The following C11orf24 variants were observed in gnomAD, a reference collection of about 807,000 sequenced individuals.
C11orf24 encodes chromosome 11 open reading frame 24.
Under a neutral mutation model 7.3 loss-of-function variants are expected in C11orf24, and 5 were observed. That is an observed-to-expected ratio of 0.69 (90% CI 0.36 to 1.45). The LOEUF (loss-of-function observed/expected upper bound fraction) is 1.45, where lower values mean the gene tolerates loss of function less well. Among genes scored for constraint, C11orf24 ranks in the 40% most tolerant of loss-of-function variants. The pLI is 0.03. For synonymous variants in C11orf24, 233 were observed against 235.7 expected (o/e 0.99, Z 0.11); for missense variants, 566 against 590.5 (o/e 0.96, Z 0.43).
chr11:68,266,702 A>G (rs1288831589), intron 2 of C11orf24, among the ~76,000 whole-genome samples: 1 of 152,080 alleles, frequency 6.6e-6, no homozygotes, highest in Non-Finnish European at 1.5e-5. Context: ...AGAACTCACA[A>G]TCCTCCACGG....
rs1212789521 is a variant in C11orf24, at chr11:68,261,701, C to T, written c.1294G>A (p.Asp432Asn). 6.2e-7 allele frequency: 1 copy of T among 1,614,008 alleles called. No individual in the cohort carries two copies. The highest frequency in any genetic ancestry group is 8.5e-7 in the Non-Finnish European group (1 of 1,179,992). Residue 432 changes from aspartate (D) to asparagine (N), a missense_variant, in exon 4 of 4, where the codon GAC becomes AAC. Asp to Asn is a conservative substitution (Grantham distance 23). Transcript: ENST00000304271. The stretch of plus-strand genomic sequence containing the variant: ...ATTAAGTAGTCCACCTGGGTGTAGT[C>T]CTTCTTCTTGTAGCTCTCATAGGCC... ...LQAYESYKKK[D>N]YTQVDYLING...
At chr11:68,269,106 T>A (rs1052824505) in intron 1 of C11orf24, among the ~76,000 whole-genome samples, 11 of 104,690 alleles carry the variant, frequency 1.1e-4, no homozygotes, top group African/African-American at 5.0e-4. Context: ...TTCATATCTT[T>A]CCTTCTTTTT....
rs2098561606 is a variant in C11orf24, at chr11:68,261,571, C to CA, written c.*73dup. ...CAATTGCACCAAAAGAATTTGGAAG[C>CA]ACTTGGTTTGGTCTCAAAGGCAAAA... is the stretch of plus-strand genomic sequence containing the variant. On this transcript the variant is annotated 3_prime_UTR_variant, in exon 4 of 4. Coordinates refer to ENST00000304271, the MANE Select transcript of C11orf24 (RefSeq NM_022338.4). The CA allele has an allele frequency of 7.4e-7, 1 of 1,349,760 alleles. No homozygotes were observed. Among genetic ancestry groups the CA allele is most frequent in the Admixed American group, 2.2e-5 (1 of 44,578 alleles). The allele number at this position is 1,349,760 out of a possible 1,614,324, so 83.6% of individuals were successfully genotyped here.
At position 68,262,190 on chromosome 11, in the gene C11orf24, T is replaced by C. The variant is rs780241906; in HGVS notation, c.805A>G (p.Thr269Ala). ...QVSVDQPVVN[T>A]TNKSTPMPSN... ...GGCATGGGTGTGGATTTATTTGTTGTGTTAACCACAGGCTGGTCCACTGAC... is the reference window on the plus strand; with the variant it reads ...GGCATGGGTGTGGATTTATTTGTTGCGTTAACCACAGGCTGGTCCACTGAC... Residue 269 changes from threonine (T) to alanine (A), a missense_variant, in exon 4 of 4, where the codon ACA becomes GCA. Coordinates refer to ENST00000304271, the MANE Select transcript of C11orf24 (RefSeq NM_022338.4). 2.5e-6 allele frequency: 4 copies of C among 1,613,576 alleles called. No homozygotes were observed. Among genetic ancestry groups the C allele is most frequent in the Admixed American group, 3.3e-5 (2 of 59,992 alleles).
intron 2 of C11orf24, among the ~76,000 whole-genome samples, chr11:68,265,060 C>T (rs1299475774): frequency 1.3e-5 from 2 of 151,282 alleles, no homozygotes; most frequent in African/African-American, 2.4e-5. Context: ...CCAAGGAAGG[C>T]TTCCTGGGAA....
At chr11:68,269,167 C>T (rs1001347651) in intron 1 of C11orf24, among the ~76,000 whole-genome samples, 3 of 151,376 alleles carry the variant, frequency 2.0e-5, no homozygotes, top group African/African-American at 4.9e-5. Context: ...TGAAAGGCTC[C>T]AAGGAAAGAA....
Position 68,262,334 on chromosome 11 carries a change from C to T in C11orf24, c.661G>A (p.Ala221Thr). 1 of 1,614,032 alleles carries T rather than the reference C, an allele frequency of 6.2e-7. No homozygotes were observed. Among genetic ancestry groups the T allele is most frequent in the South Asian group, 1.1e-5 (1 of 91,088 alleles). ...ATRAQTVATT[A>T]NTSSPMSTRP... ...GTGCTCATGGGGCTGCTTGTGTTTG[C>T]TGTGGTCGCTACAGTCTGAGCACGT... The change falls in exon 4 of 4, where the codon GCA becomes ACA. Residue 221 changes from alanine to threonine, a missense_variant. Physicochemically the swap from Ala to Thr is moderately conservative, Grantham distance 58. Transcript: ENST00000304271.
intron 2 of C11orf24, among the ~76,000 whole-genome samples, chr11:68,266,231 AC>A (rs562590058): frequency 4.9e-4 from 75 of 152,326 alleles, no homozygotes; most frequent in Non-Finnish European, 8.8e-4. Flanking sequence ...ATGGGATCAC[AC>A]GGGCAAGGAC....
rs377489348 is a variant in C11orf24, at chr11:68,262,682, T to G, written c.313A>C (p.Ile105Leu). 13 of 1,614,164 alleles carry G rather than the reference T, an allele frequency of 8.1e-6. No homozygotes were observed. Among genetic ancestry groups the G allele is most frequent in the Non-Finnish European group, 1.0e-5 (12 of 1,180,030 alleles). ...SGGAADGVTS[I>L]APTAVASSTT... ...CTGGAGGCCACAGCCGTGGGAGCAA[T>G]GGAGGTCACACCATCAGCTGCACCT... The change falls in exon 4 of 4, where the codon ATT becomes CTT. Residue 105 changes from isoleucine (I) to leucine (L), a missense_variant. Ile to Leu is a conservative substitution (Grantham distance 5, BLOSUM62 2). Transcript: ENST00000304271.
chr11:68,261,635 C>T lies in C11orf24; in HGVS notation c.*10G>A, dbSNP rs138429377. On this transcript the variant is annotated 3_prime_UTR_variant, in exon 4 of 4. Coordinates refer to ENST00000304271, the MANE Select transcript of C11orf24 (RefSeq NM_022338.4). Reference sequence around the variant, plus strand: ...AAGGGGCCAGGCCTCCCGCCAGGCCCCCGCCCCCCTCACATTTCTGAGTCC... The same window carrying T: ...AAGGGGCCAGGCCTCCCGCCAGGCCTCCGCCCCCCTCACATTTCTGAGTCC... 289 of 1,594,640 alleles carry T rather than the reference C, an allele frequency of 1.8e-4. 1 individual carries two copies. The African/African-American group carries it at 3.5e-3, about 20-fold the overall frequency.
At position 68,263,840 on chromosome 11, in the gene C11orf24, T is replaced by C. The variant is rs2098563217; in HGVS notation, c.-73A>G. On this transcript the variant is annotated 5_prime_UTR_variant, in exon 3 of 4. Transcript: ENST00000304271. Reference sequence around the variant, plus strand: ...GCCAGCCAGCTCCTCAGGCTGCTAATGGTTCCCTCCTGCTTGGCCAAGGGA... The same window carrying C: ...GCCAGCCAGCTCCTCAGGCTGCTAACGGTTCCCTCCTGCTTGGCCAAGGGA... The C allele has an allele frequency of 7.5e-7, 1 of 1,333,942 alleles. No individual in the cohort carries two copies. Among genetic ancestry groups the C allele is most frequent in the Non-Finnish European group, 1.1e-6 (1 of 942,662 alleles). 82.6% of individuals were successfully genotyped at this position (1,333,942 alleles called of 1,614,324 possible).
Position 68,263,720 on chromosome 11 carries a change from A to T in C11orf24, c.48T>A (p.Ser16=). 1 of 1,613,634 alleles carries T rather than the reference A, an allele frequency of 6.2e-7. No homozygotes were observed. Among genetic ancestry groups the T allele is most frequent in the Non-Finnish European group, 8.5e-7 (1 of 1,179,976 alleles). The change falls in exon 3 of 4, where the codon TCT becomes TCA. Residue 16 remains serine, a synonymous_variant. Coordinates refer to ENST00000304271, the MANE Select transcript of C11orf24 (RefSeq NM_022338.4). The part of the protein sequence containing the change: ...VLIWIFSLSL[S]ESHAASNDPR... ...GATCGTTGGATGCCGCATGGCTTTC[A>T]GATAAGGACAAGGAGAAAATCCAAA... is the stretch of plus-strand genomic sequence containing the variant.
Position 68,263,856 on chromosome 11 carries a change from G to T in C11orf24, c.-89C>A. ...GGCTGCTAATGGTTCCCTCCTGCTT[G>T]GCCAAGGGATCTGTGGTCAAGAAAG... On this transcript the variant is annotated 5_prime_UTR_variant, in exon 3 of 4. Coordinates refer to ENST00000304271, the MANE Select transcript of C11orf24 (RefSeq NM_022338.4). 8.8e-7 allele frequency: 1 copy of T among 1,140,758 alleles called. No homozygotes were observed. The highest frequency in any genetic ancestry group is 1.3e-6 in the Non-Finnish European group (1 of 783,694). The allele number at this position is 1,140,758 out of a possible 1,614,324, so 70.7% of individuals were successfully genotyped here.
chr11:68,261,540 TCTC>T lies in C11orf24; in HGVS notation c.*102_*104del, dbSNP rs1029940433. 5.7e-5 allele frequency: 54 copies of T among 941,074 alleles called. 1 individual carries two copies. The highest frequency in any genetic ancestry group is 7.7e-5 in the Non-Finnish European group (48 of 621,940). The allele number at this position is 941,074 out of a possible 1,614,324, so 58.3% of individuals were successfully genotyped here. A position where few individuals can be genotyped will look rare whatever the true frequency, so the allele number is the denominator to read the frequency against. On this transcript the variant is annotated 3_prime_UTR_variant, in exon 4 of 4. Coordinates refer to ENST00000304271, the MANE Select transcript of C11orf24 (RefSeq NM_022338.4). ...TAAATGTGTTTAAGCATCTGGCATA[TCTC>T]CTCAATTGCACCAAAAGAATTTGGA...
chr11:68,262,301 T>G lies in C11orf24; in HGVS notation c.694A>C (p.Ser232Arg), dbSNP rs779277956. 2 of 1,613,738 alleles carry G rather than the reference T, an allele frequency of 1.2e-6. No homozygotes were observed. Among genetic ancestry groups the G allele is most frequent in the South Asian group, 2.2e-5 (2 of 91,078 alleles). ...TCACTGGGCATGTGCTTGGAAGGAC[T>G]TGGACGAGTGCTCATGGGGCTGCTT... is the stretch of plus-strand genomic sequence containing the variant. ...NTSSPMSTRPSPSKHMPSDTA... is the reference protein window; with the variant it reads ...NTSSPMSTRPRPSKHMPSDTA... Residue 232 changes from serine to arginine, a missense_variant, in exon 4 of 4, where the codon AGT becomes CGT. Transcript: ENST00000304271.
At position 68,271,919 on chromosome 11, in the gene C11orf24, C is replaced by G. The variant is rs889897707; in HGVS notation, c.-360G>C. 2 of 152,152 alleles carry G rather than the reference C, an allele frequency of 1.3e-5. No individual in the cohort carries two copies. Among genetic ancestry groups the G allele is most frequent in the African/African-American group, 4.8e-5 (2 of 41,450 alleles). The allele number at this position is 152,152 out of a possible 1,614,324, so 9.4% of individuals were successfully genotyped here. A position where few individuals can be genotyped will look rare whatever the true frequency, so the allele number is the denominator to read the frequency against. On this transcript the variant is annotated 5_prime_UTR_variant, in exon 1 of 4. Transcript: ENST00000304271. ...GGACAGTAGGAAGGAGCCTGAGGCC[C>G]GGCGCGGGGACGTGGCCGGCAGCGC...
In C11orf24 at chr11:68,261,988, G is replaced by A; in HGVS notation, c.1007C>T (p.Ala336Val). Residue 336 changes from alanine to valine, a missense_variant, in exon 4 of 4, where the codon GCT becomes GTT. Ala to Val is a moderately conservative substitution (Grantham distance 64, BLOSUM62 0). Transcript: ENST00000304271. ...CGGTGCCTGGGATGTGCCTGGCCCAGCGGCCCTCTGGGTATATGGCATGGG... is the reference window on the plus strand; with the variant it reads ...CGGTGCCTGGGATGTGCCTGGCCCAACGGCCCTCTGGGTATATGGCATGGG... ...PSPMPYTQRA[A>V]GPGTSQAPEQ... 1 of 1,614,052 alleles carries A rather than the reference G, an allele frequency of 6.2e-7. No homozygotes were observed. The highest frequency in any genetic ancestry group is 1.1e-5 in the South Asian group (1 of 91,090).
Position 68,266,507 on chromosome 11 carries a change from G to A in C11orf24, c.-100+1547C>T, listed in dbSNP as rs1161099033. 3.7e-4 allele frequency among the ~76,000 whole-genome samples: 56 copies of A among 152,148 alleles called. 2 individuals carry two copies. Among genetic ancestry groups the A allele is most frequent in the Admixed American group, 3.7e-3 (56 of 15,280 alleles). On this transcript the variant is annotated intron_variant, in intron 2 of 3. Coordinates refer to ENST00000304271, the MANE Select transcript of C11orf24 (RefSeq NM_022338.4). ...TCAAATGGTGCTTTCTCTTCAAAAT[G>A]GTCTGTAAGGGCTCCTAATGTGTTA...
intron 2 of C11orf24, among the ~76,000 whole-genome samples, chr11:68,264,296 C>T (rs1163827695): frequency 6.6e-6 from 1 of 151,908 alleles, no homozygotes; most frequent in African/African-American, 2.4e-5. Context: ...GGTGACTGTG[C>T]CTTTCACATG....
Sources: gnomAD v4.1 joint callset for allele counts (sites outside exome capture counted in the v4.1 genomes callset) on GRCh38, gnomAD v4.1.1 for gene constraint, MANE v1.5 for transcripts, NCBI Gene and HGNC (gene_info 2026-07-23, HGNC 2026-07-21) for gene names.